ATG9B: variants seen among roughly 807,000 people sequenced by gnomAD.
The protein encoded by ATG9B is autophagy related 9B, also known as autophagy-related protein 9B.
A neutral mutation model predicts 92.9 loss-of-function variants in ATG9B; 92 were observed. The observed-to-expected ratio is 0.99, with a 90% CI of 0.84 to 1.18. The LOEUF (loss-of-function observed/expected upper bound fraction) is 1.18, where lower values mean the gene tolerates loss of function less well. Ranked by LOEUF, ATG9B falls within the 50% of genes most tolerant of loss-of-function variation. The pLI is 0.00. For synonymous variants in ATG9B, 599 were observed against 551.4 expected, an observed-to-expected ratio of 1.09 and a Z score of -1.21; for missense variants, 1,344 against 1,235.0, an observed-to-expected ratio of 1.09 and a Z score of -1.32.
In ATG9B at chr7:151,023,152, G is replaced by C; in HGVS notation, c.714C>G (p.Tyr238Ter). Residue 238 changes from tyrosine to a stop codon, truncating the protein, a stop_gained, in exon 4 of 14, where the codon TAC becomes TAG. Coordinates refer to ENST00000639579, the MANE Select transcript of ATG9B (RefSeq NM_001317056.2). LOFTEE classifies it high-confidence loss of function. Reference protein sequence around the residue: ...FTTFLLRCVDYNVLFANQPSN... With the variant: ...FTTFLLRCVD ...TTGGTTGGTTGGCAAAGAGAACATT[G>C]TAATCCACGCATCGAAGGAGGAAGG... is the stretch of plus-strand genomic sequence containing the variant. 1 of 1,614,190 alleles carries C rather than the reference G, an allele frequency of 6.2e-7. No homozygotes were observed. Among genetic ancestry groups the C allele is most frequent in the Non-Finnish European group, 8.5e-7 (1 of 1,180,036 alleles).
In ATG9B at chr7:151,024,321, G is replaced by A; in HGVS notation, c.103C>T (p.Pro35Ser). 7.0e-7 allele frequency: 1 copy of A among 1,431,674 alleles called. No homozygotes were observed. Among genetic ancestry groups the A allele is most frequent in the Non-Finnish European group, 9.2e-7 (1 of 1,089,164 alleles). 88.7% of individuals were successfully genotyped at this position (1,431,674 alleles called of 1,614,324 possible). A position where few individuals can be genotyped will look rare whatever the true frequency, so the allele number is the denominator to read the frequency against. Residue 35 changes from proline (P) to serine (S), a missense_variant, in exon 1 of 14, where the codon CCT (proline) becomes TCT (serine). Physicochemically the swap from Pro to Ser is moderately conservative, Grantham distance 74. Coordinates refer to ENST00000639579, the MANE Select transcript of ATG9B (RefSeq NM_001317056.2). ...GGTCCCCGGCATGAAGGAGGAGGAG[G>A]AGGTGGCAGTGGCATGGGGAGGAGG... Reference protein sequence around the residue: ...VPLLPMPLPPPPPPSCRGPGG... With the variant: ...VPLLPMPLPPSPPPSCRGPGG...
chr7:151,019,268 A>C lies in ATG9B; in HGVS notation c.1070T>G (p.Ile357Ser). The C allele has an allele frequency of 6.3e-7, 1 of 1,581,844 alleles. No individual in the cohort carries two copies. The highest frequency in any genetic ancestry group is 8.5e-7 in the Non-Finnish European group (1 of 1,171,354). Residue 357 changes from isoleucine to serine, a missense_variant, in exon 6 of 14, where the codon ATC becomes AGC. Transcript: ENST00000639579. ...VQPRPLTELD[I>S]HHRILRYTNY... ...GGTGTAGCGCAGGATGCGGTGGTGGATGTCCAGCTCCGTCAGGGGCCGCGG... is the reference window on the plus strand; with the variant it reads ...GGTGTAGCGCAGGATGCGGTGGTGGCTGTCCAGCTCCGTCAGGGGCCGCGG...
rs758496995 is a variant in ATG9B, at chr7:151,018,724, G to C, written c.1614C>G (p.Leu538=). The part of the protein sequence containing the change: ...ARQLVFFAGA[L]FAALLVLTVY... ...CGGTGAGCACAAGCAGCGCGGCGAA[G>C]AGTGCACCCGCGAAGAAAACGAGCT... The change falls in exon 6 of 14, where the codon CTC becomes CTG. Residue 538 remains leucine (L), a synonymous_variant. Transcript: ENST00000639579. This position sits in a 1 kb window ranked among gnomAD's most constrained non-coding sequence, Gnocchi z 4.7. 1.9e-6 allele frequency: 3 copies of C among 1,592,702 alleles called. No individual in the cohort carries two copies. The highest frequency in any genetic ancestry group is 2.6e-6 in the Non-Finnish European group (3 of 1,172,732).
intron 4 of ATG9B, among the ~76,000 whole-genome samples, chr7:151,021,649 A>G (rs905293259): frequency 2.1e-5 from 3 of 144,278 alleles, no homozygotes; most frequent in Non-Finnish European, 3.0e-5. Context: ...GTGCTTGTAC[A>G]CTCTTTTTTT....
At chr7:151,022,533 C>T (rs901506824) in intron 4 of ATG9B, among the ~76,000 whole-genome samples, 4 of 151,622 alleles carry the variant, frequency 2.6e-5, no homozygotes, top group African/African-American at 9.7e-5. Context: ...TATTAAGATA[C>T]ACTTAATGCA....
At chr7:151,013,453 C>A, downstream of ATG9B, 2 of 1,515,734 alleles carry the variant, frequency 1.3e-6, no homozygotes, top group Non-Finnish European at 8.9e-7. Flanking sequence ...TCCAGCGGGG[C>A]ACACCAACCA....
Position 151,024,042 on chromosome 7 carries a change from T to G in ATG9B, c.382A>C (p.Thr128Pro), listed in dbSNP as rs756157247. 19 of 1,570,564 alleles carry G rather than the reference T, an allele frequency of 1.2e-5. No homozygotes were observed. Among genetic ancestry groups the G allele is most frequent in the Admixed American group, 3.6e-5 (2 of 55,392 alleles). ...STPPLAPATPTPSQQCPQDSP... is the reference protein window; with the variant it reads ...STPPLAPATPPPSQQCPQDSP... ...TCCTGGGGGCACTGCTGTGAGGGAG[T>G]GGGGGTTGCCGGGGCCAGGGGTGGG... Residue 128 changes from threonine (T) to proline (P), a missense_variant, in exon 1 of 14, where the codon ACT becomes CCT. Thr to Pro is a conservative substitution (Grantham distance 38, BLOSUM62 -1). Coordinates refer to ENST00000639579, the MANE Select transcript of ATG9B (RefSeq NM_001317056.2).
At position 151,017,252 on chromosome 7, in the gene ATG9B, A is replaced by C; in HGVS notation, c.2073T>G (p.Thr691=). ...CCGCACGCTGAGACAGCGAGGCCTC[A>C]GTCTGTCCCGCCGAGAGCCACTGTG... is the stretch of plus-strand genomic sequence containing the variant. ...GHPQWLSAGQ[T]EASLSQRAED... Residue 691 remains threonine, a synonymous_variant, in exon 9 of 14, where the codon ACT becomes ACG. Transcript: ENST00000639579. 1 of 1,600,814 alleles carries C rather than the reference A, an allele frequency of 6.2e-7. No homozygotes were observed. The highest frequency in any genetic ancestry group is 8.5e-7 in the Non-Finnish European group (1 of 1,171,604).
intron 9 of ATG9B, 33 bp downstream of exon 9, chr7:151,017,003 A>G: frequency 6.4e-7 from 1 of 1,556,668 alleles, no homozygotes; most frequent in Non-Finnish European, 8.7e-7. Context: ...TGTGGGGGTG[A>G]AGGCAGAAGG....
Position 151,019,354 on chromosome 7 carries a change from G to C in ATG9B, c.984C>G (p.Pro328=). The C allele has an allele frequency of 6.5e-7, 1 of 1,530,030 alleles. No individual in the cohort carries two copies. Among genetic ancestry groups the C allele is most frequent in the East Asian group, 2.3e-5 (1 of 43,900 alleles). 94.8% of individuals were successfully genotyped at this position (1,530,030 alleles called of 1,614,324 possible). The stretch of plus-strand genomic sequence containing the variant: ...AGAGGCGGGACTGCACCTCTGCCCA[G>C]GGAACCGAGCTCAGCTCCTCCTGAA... ...HIPPEELSSV[P]WAEVQSRLLA... The change falls in exon 6 of 14, where the codon CCC becomes CCG. Residue 328 remains proline, a synonymous_variant. Transcript: ENST00000639579.
At chr7:151,013,390 C>G, downstream of ATG9B, 1 of 1,607,906 alleles carries the variant, frequency 6.2e-7, no homozygotes, top group Non-Finnish European at 8.5e-7. Flanking sequence ...GTGTGAGACC[C>G]TGAGGGCGCA....
chr7:151,012,225 GTTTT>G, downstream of ATG9B: 2 of 518,492 alleles, frequency 3.9e-6, no homozygotes, highest in Non-Finnish European at 6.0e-6. Context: ...TTTGTTTTTT[GTTTT>G]TTTTTTAATT....
Position 151,017,064 on chromosome 7 carries a change from C to G in ATG9B, c.2261G>C (p.Gly754Ala), listed in dbSNP as rs1272081054. Residue 754 changes from glycine (G) to alanine (A), a missense_variant, in exon 9 of 14, where the codon GGG becomes GCG. Coordinates refer to ENST00000639579, the MANE Select transcript of ATG9B (RefSeq NM_001317056.2). The part of the protein sequence containing the change: ...ATSARGPSTP[G>A]VLSNCTSPLP... ...GGGCGAGGTGCAGTTGCTGAGCACC[C>G]CCGGGGTGGAGGGGCCGCGAGCCGA... 2 of 1,602,434 alleles carry G rather than the reference C, an allele frequency of 1.2e-6. No individual in the cohort carries two copies. Among genetic ancestry groups the G allele is most frequent in the East Asian group, 2.3e-5 (1 of 44,382 alleles).
downstream of ATG9B, chr7:151,014,825 TC>T (rs1294134567): frequency 6.6e-6 from 1 of 152,134 alleles, no homozygotes; most frequent in African/African-American, 2.4e-5. Context: ...GCCAGGCTGG[TC>T]TTGAACTCCT....
downstream of ATG9B, chr7:151,013,191 C>T (rs1255687315): frequency 2.5e-6 from 4 of 1,589,522 alleles, no homozygotes; most frequent in Non-Finnish European, 3.4e-6. Context: ...TAGCACTGTG[C>T]CCCGGAGAAG....
downstream of ATG9B, chr7:151,013,950 G>T: frequency 1.2e-6 from 2 of 1,603,492 alleles, no homozygotes; most frequent in African/African-American, 1.3e-5. Context: ...CTGAGCGTGC[G>T]GGGTTCCTGC....
rs144487907 is a variant in ATG9B, at chr7:151,019,044, C to T, written c.1294G>A (p.Ala432Thr). The change falls in exon 6 of 14, where the codon GCA becomes ACA. Residue 432 changes from alanine (A) to threonine (T), a missense_variant. Transcript: ENST00000639579. ...AGCACTGTGCGCCCCCAGCGCGCTG[C>T]TAGGGCGCCCCGCTGGTCGCTGCGC... ...YKRSDQRGAL[A>T]ARWGRTVLLL... 1,294 of 1,540,574 alleles carry T rather than the reference C, an allele frequency of 8.4e-4. 13 individuals carry two copies. The African/African-American group carries it at 0.016, about 19-fold the overall frequency.
chr7:151,016,179 C>T lies in ATG9B; in HGVS notation c.2577G>A (p.Leu859=), dbSNP rs1219571515. 3 of 1,532,672 alleles carry T rather than the reference C, an allele frequency of 2.0e-6. No individual in the cohort carries two copies. The highest frequency in any genetic ancestry group is 4.1e-5 in the Admixed American group (2 of 49,050). 94.9% of individuals were successfully genotyped at this position (1,532,672 alleles called of 1,614,324 possible). Residue 859 remains leucine, a synonymous_variant, in exon 12 of 14, where the codon CTG becomes CTA. Coordinates refer to ENST00000639579, the MANE Select transcript of ATG9B (RefSeq NM_001317056.2). ...GTGAGGGGCTGGAGCAGGGCCTGGA[C>T]AGGATGGAGGCTGCAGCCTCACCCC... is the stretch of plus-strand genomic sequence containing the variant. The part of the protein sequence containing the change: ...EPWGEAAASI[L]SRPCSSPSQP...
At position 151,023,735 on chromosome 7, in the gene ATG9B, G is replaced by A. The variant is rs774967275; in HGVS notation, c.551-5C>T. On this transcript the variant is annotated splice_polypyrimidine_tract_variant and splice_region_variant and intron_variant, in intron 1 of 13. Transcript: ENST00000639579. The stretch of plus-strand genomic sequence containing the variant: ...TCTGGATGTGATGCCAGGAGCCTGG[G>A]CACAGAGGGGAGAGTGTCAGCCCCT... 6.2e-7 allele frequency: 1 copy of A among 1,613,900 alleles called. No individual in the cohort carries two copies. The highest frequency in any genetic ancestry group is 1.3e-5 in the African/African-American group (1 of 74,932).
Sources: allele counts gnomAD v4.1 joint callset (sites outside exome capture counted in the v4.1 genomes callset), GRCh38; gene constraint gnomAD v4.1.1; non-coding constraint Gnocchi (gnomAD v3.1); transcripts MANE v1.5; gene names NCBI Gene and HGNC (gene_info 2026-07-23, HGNC 2026-07-21).